Variants in CACNA1B observed in about 807,000 individuals in gnomAD.
The protein encoded by CACNA1B is voltage-dependent N-type calcium channel subunit alpha-1B.
A neutral mutation model predicts 247.2 loss-of-function variants in CACNA1B; 70 were observed. The ratio of observed to expected loss-of-function variants is 0.28; its 90% confidence interval spans 0.23 to 0.35. The LOEUF (loss-of-function observed/expected upper bound fraction) is 0.35. CACNA1B is among the 10% of genes least tolerant of loss of function. The pLI is 1.00. For synonymous variants in CACNA1B, 1,231 were observed against 1,294.4 expected (o/e 0.95, Z 1.05); for missense variants, 2,367 against 3,197.4 (o/e 0.74, Z 6.26).
chr9:137,929,897 T>A (rs138397456), intron 6 of CACNA1B, among the ~76,000 whole-genome samples: 1 of 152,066 alleles, frequency 6.6e-6, no homozygotes. Flanking sequence ...CAGGCGATTC[T>A]CCCTCCTCAG....
In CACNA1B at chr9:138,123,057, G is replaced by A. The variant is rs1306867505; in HGVS notation, c.*1058G>A. On this transcript the variant is annotated 3_prime_UTR_variant, in exon 47 of 47. Transcript: ENST00000371372. ...ACAGGGCAGCTGACCACGTGCTTGT[G>A]TGAGGCATTTTCAGTCTGTTCTGCA... is the stretch of plus-strand genomic sequence containing the variant. 6.6e-6 allele frequency: 1 copy of A among 152,296 alleles called. No individual in the cohort carries two copies. The allele number at this position is 152,296 out of a possible 1,614,324, so 9.4% of individuals were successfully genotyped here. A position where few individuals can be genotyped will look rare whatever the true frequency, so the allele number is the denominator to read the frequency against.
At chr9:138,003,280 C>G (rs1194387552) in intron 15 of CACNA1B, among the ~76,000 whole-genome samples, 1 of 151,376 alleles carries the variant, frequency 6.6e-6, no homozygotes, top group Non-Finnish European at 1.5e-5. Flanking sequence ...TCAAGTGATC[C>G]TCCTGCCTCA....
chr9:138,072,885 G>A lies in CACNA1B; in HGVS notation c.4675-603G>A, dbSNP rs912907722. ...GTGAATTGCAGAGGTGGCTTCCGTG[G>A]TGTGAGCAGCAGAACACCTGTACCT... On this transcript the variant is annotated intron_variant, in intron 32 of 46. Transcript: ENST00000371372. The surrounding 1 kb of genome is among the most constrained non-coding windows in gnomAD (Gnocchi z 4.5). Among the ~76,000 whole-genome samples the A allele has an allele frequency of 6.6e-6, 1 of 152,250 alleles. No homozygotes were observed. The highest frequency in any genetic ancestry group is 2.4e-5 in the African/African-American group (1 of 41,468).
At chr9:137,947,151 G>C (rs1957806239) in intron 6 of CACNA1B, among the ~76,000 whole-genome samples, 1 of 152,152 alleles carries the variant, frequency 6.6e-6, no homozygotes, top group Admixed American at 6.6e-5. Flanking sequence ...AGTCTGATTG[G>C]TTGCAGGAGG....
chr9:138,042,283 G>T (rs945327157), intron 20 of CACNA1B, among the ~76,000 whole-genome samples: 13 of 152,128 alleles, frequency 8.5e-5, no homozygotes, highest in African/African-American at 2.4e-4. Flanking sequence ...AACCCTGTCT[G>T]TACTAAAAAT....
intron 18 of CACNA1B, chr9:138,017,312 G>C (rs936848933): frequency 6.6e-6 from 3 of 454,882 alleles, no homozygotes; most frequent in Non-Finnish European, 1.3e-5. Context: ...TGCTTCATGG[G>C]GCAGCTCCAG....
At chr9:137,918,498 G>A (rs563245409) in intron 6 of CACNA1B, among the ~76,000 whole-genome samples, 1 of 152,264 alleles carries the variant, frequency 6.6e-6, no homozygotes, top group East Asian at 1.9e-4. Flanking sequence ...GTTCCCCTCA[G>A]GTGCTGTCAG....
At chr9:137,922,298 A>G (rs1455949702) in intron 6 of CACNA1B, among the ~76,000 whole-genome samples, 1 of 151,026 alleles carries the variant, frequency 6.6e-6, no homozygotes, top group African/African-American at 2.5e-5. Context: ...GCATCCTGGG[A>G]GCAGAATAAA....
At chr9:137,910,172 C>T (rs746332036) in intron 3 of CACNA1B, among the ~76,000 whole-genome samples, 3 of 152,140 alleles carry the variant, frequency 2.0e-5, no homozygotes, top group South Asian at 4.1e-4. Flanking sequence ...GTGCACCTAT[C>T]GGCCATTTGT....
chr9:138,080,193 G>A (rs1960478408), intron 36 of CACNA1B, among the ~76,000 whole-genome samples: 1 of 152,226 alleles, frequency 6.6e-6, no homozygotes, highest in South Asian at 2.1e-4. Flanking sequence ...CCAGACAAGT[G>A]CAAGGAGGGA....
At chr9:138,017,279 C>T in intron 18 of CACNA1B, 4 of 495,356 alleles carry the variant, frequency 8.1e-6, no homozygotes, top group Non-Finnish European at 1.6e-5. Context: ...ACTCCTAACT[C>T]TGCTATCTCA....
Position 138,010,035 on chromosome 9 carries a change from C to T in CACNA1B, c.2118C>T (p.Ala706=). 6.2e-7 allele frequency: 1 copy of T among 1,613,800 alleles called. No homozygotes were observed. Among genetic ancestry groups the T allele is most frequent in the Non-Finnish European group, 8.5e-7 (1 of 1,179,728 alleles). The change falls in exon 17 of 47, where the codon GCC becomes GCT. Residue 706 remains alanine, a synonymous_variant. Transcript: ENST00000371372. This position sits in a 1 kb window ranked among gnomAD's most constrained non-coding sequence, Gnocchi z 5.3. The stretch of plus-strand genomic sequence containing the variant: ...ACACTCTGCTGAATGTCTTTCTGGC[C>T]ATCGCTGTGGACAACCTGGCCAACG... ...GNYTLLNVFL[A]IAVDNLANAQ...
Position 137,957,889 on chromosome 9 carries a change from A to C in CACNA1B, c.1333+202A>C, listed in dbSNP as rs989161202. ...CTTAGCCATATCCCAAGGCTGGAGG[A>C]CTCTATAGGGCCACCTCTCTCTTCA... is the stretch of plus-strand genomic sequence containing the variant. On this transcript the variant is annotated intron_variant, in intron 10 of 46. Coordinates refer to ENST00000371372, the MANE Select transcript of CACNA1B (RefSeq NM_000718.4). The surrounding 1 kb of genome is among the most constrained non-coding windows in gnomAD (Gnocchi z 4.7). 6.6e-6 allele frequency among the ~76,000 whole-genome samples: 1 copy of C among 151,892 alleles called. No homozygotes were observed. Among genetic ancestry groups the C allele is most frequent in the Non-Finnish European group, 1.5e-5 (1 of 67,976 alleles).
rs983310354 is a variant in CACNA1B at position 137,880,410 on chromosome 9, G to T, written c.390+1251G>T. Among the ~76,000 whole-genome samples the T allele has an allele frequency of 2.0e-5, 3 of 152,126 alleles. No homozygotes were observed. The highest frequency in any genetic ancestry group is 2.9e-5 in the Non-Finnish European group (2 of 68,016). ...GGCCCATTGCTTTCTGGAGGCTGGA[G>T]AAGAGGGTGAGCTTGAGAGGAAACA... On this transcript the variant is annotated intron_variant, in intron 2 of 46. Coordinates refer to ENST00000371372, the MANE Select transcript of CACNA1B (RefSeq NM_000718.4). This position sits in a 1 kb window ranked among gnomAD's most constrained non-coding sequence, Gnocchi z 4.8.
At chr9:137,938,415 T>A (rs1411973374) in intron 6 of CACNA1B, among the ~76,000 whole-genome samples, 2 of 152,158 alleles carry the variant, frequency 1.3e-5, no homozygotes, top group Non-Finnish European at 2.9e-5. Context: ...CACATCTCAA[T>A]ATTAATGTTG....
At chr9:137,909,589 C>T (rs989575926) in intron 3 of CACNA1B, among the ~76,000 whole-genome samples, 4 of 151,998 alleles carry the variant, frequency 2.6e-5, no homozygotes, top group Non-Finnish European at 4.4e-5. Flanking sequence ...CCACATTGTG[C>T]GCACACATTC....
chr9:138,107,195 C>CG (rs1200459311), intron 39 of CACNA1B, among the ~76,000 whole-genome samples: 1 of 151,782 alleles, frequency 6.6e-6, no homozygotes, highest in African/African-American at 2.4e-5. Context: ...AATGCTTAAG[C>CG]CGAAACCTTA....
chr9:138,049,456 C>G, intron 24 of CACNA1B, 141 bp downstream of exon 24: 2 of 678,818 alleles, frequency 2.9e-6, no homozygotes, highest in Non-Finnish European at 5.4e-6. Context: ...TGGGACTGTC[C>G]CTGCCTGCTT....
chr9:137,984,299 C>T lies in CACNA1B; in HGVS notation c.1769+49C>T, dbSNP rs372335038. Reference sequence around the variant, plus strand: ...GAGGGCAGGTGTAGGGTGGAGAGGGCGTGGGATCAGCCACACAGGGTGCTT... The same window carrying T: ...GAGGGCAGGTGTAGGGTGGAGAGGGTGTGGGATCAGCCACACAGGGTGCTT... On this transcript the variant is annotated intron_variant, in intron 13 of 46. Coordinates refer to ENST00000371372, the MANE Select transcript of CACNA1B (RefSeq NM_000718.4). 1.9e-5 allele frequency: 26 copies of T among 1,346,414 alleles called. No individual in the cohort carries two copies. In the African/African-American group the frequency reaches 2.3e-4, roughly 12 times the overall value. 83.4% of individuals were successfully genotyped at this position (1,346,414 alleles called of 1,614,324 possible).
Sources: gnomAD v4.1 joint callset for allele counts (sites outside exome capture counted in the v4.1 genomes callset) on GRCh38, gnomAD v4.1.1 for gene constraint, Gnocchi (gnomAD v3.1) non-coding constraint, MANE v1.5 for transcripts, NCBI Gene and HGNC (gene_info 2026-07-23, HGNC 2026-07-21) for gene names.